The following P3H2 variants were observed in gnomAD, a reference collection of about 807,000 sequenced individuals.
The protein encoded by P3H2 is leprecan-like 1.
P3H2 carries 80 observed loss-of-function variants against 87.0 expected under a neutral mutation model. The observed-to-expected ratio is 0.92, with a 90% confidence interval of 0.77 to 1.11. The LOEUF (loss-of-function observed/expected upper bound fraction) is 1.11. P3H2 is among the 50% of genes least tolerant of loss of function. The pLI is 0.00. For synonymous variants in P3H2, 367 were observed against 359.3 expected (o/e 1.02, Z -0.24); for missense variants, 1,001 against 923.9 (o/e 1.08, Z -1.08).
intron 1 of P3H2, 83 bp from the exon 2 acceptor site, chr3:189,995,525 T>A: frequency 1.7e-5 from 22 of 1,301,030 alleles, no homozygotes; most frequent in Non-Finnish European, 2.1e-5. Flanking sequence ...ATCCAAAATC[T>A]CACAGTTTAA....
chr3:189,996,219 C>G (rs1724048096), intron 1 of P3H2, among the ~76,000 whole-genome samples: 1 of 152,126 alleles, frequency 6.6e-6, no homozygotes, highest in Non-Finnish European at 1.5e-5. Context: ...AAGTGCCCAT[C>G]AGCAGATGAA....
chr3:190,057,083 T>C (rs1481297215), intron 1 of P3H2, among the ~76,000 whole-genome samples: 1 of 152,162 alleles, frequency 6.6e-6, no homozygotes, highest in Non-Finnish European at 1.5e-5. Context: ...AGAAGGAGAA[T>C]GACTTGAAAA....
At chr3:189,998,272 C>A (rs975079008) in intron 1 of P3H2, among the ~76,000 whole-genome samples, 8 of 152,180 alleles carry the variant, frequency 5.3e-5, no homozygotes, top group African/African-American at 1.9e-4. Context: ...CAGATTAGTA[C>A]TGACATACTC....
At chr3:189,993,097 C>T (rs564616951) in intron 3 of P3H2, among the ~76,000 whole-genome samples, 7 of 151,950 alleles carry the variant, frequency 4.6e-5, no homozygotes, top group African/African-American at 1.4e-4. Context: ...CCGAGGTGGG[C>T]GGATTACCTG....
chr3:190,008,290 C>T (rs1724458618), intron 1 of P3H2, among the ~76,000 whole-genome samples: 1 of 151,922 alleles, frequency 6.6e-6, no homozygotes, highest in African/African-American at 2.4e-5. Context: ...AAGAGTCTAC[C>T]ATTTTTAATC....
rs1036990273 is a variant in P3H2 at position 189,963,547 on chromosome 3, C to T, written c.2034+411G>A. ...GCAATTTACGCCTCCCAGGTTCAAG[C>T]GATTCTCCTGCCTCAGCTTCCCGAG... On this transcript the variant is annotated intron_variant, in intron 14 of 14. Transcript: ENST00000319332. 6 of 217,008 alleles carry T rather than the reference C, an allele frequency of 2.8e-5. No homozygotes were observed. The East Asian group carries it at 3.1e-4, about 11-fold the overall frequency. 13.4% of individuals were successfully genotyped at this position (217,008 alleles called of 1,614,324 possible).
chr3:190,012,198 G>A (rs1724611734), intron 1 of P3H2, among the ~76,000 whole-genome samples: 1 of 119,432 alleles, frequency 8.4e-6, no homozygotes, highest in Non-Finnish European at 1.8e-5. Context: ...GTGCCTGTGT[G>A]TAGGTAAAGG....
At chr3:190,101,005 G>A (rs1298051653) in intron 1 of P3H2, among the ~76,000 whole-genome samples, 2 of 151,964 alleles carry the variant, frequency 1.3e-5, no homozygotes, top group South Asian at 2.1e-4. Flanking sequence ...TTACTGTTAC[G>A]ATGATCTGTG....
At chr3:189,987,161 C>G (rs970288001) in intron 5 of P3H2, among the ~76,000 whole-genome samples, 1 of 152,168 alleles carries the variant, frequency 6.6e-6, no homozygotes, top group Non-Finnish European at 1.5e-5. Context: ...AACTCTCCCC[C>G]GAACACATGC....
In P3H2 at chr3:190,021,146, C is replaced by T. The variant is rs191357098; in HGVS notation, c.481-25704G>A. On this transcript the variant is annotated intron_variant, in intron 1 of 14. Transcript: ENST00000319332. ...GAAACCAATATTTACAAAGCAGCCA[C>T]CATGAACTGTTTCCAATAATCAGAA... is the stretch of plus-strand genomic sequence containing the variant. 8.5e-4 allele frequency among the ~76,000 whole-genome samples: 115 copies of T among 134,572 alleles called. 16 individuals are homozygous for T. The highest frequency in any genetic ancestry group is 2.6e-3 in the African/African-American group (103 of 39,020). 88.3% of individuals were successfully genotyped at this position (134,572 alleles called of 152,430 possible).
intron 8 of P3H2, among the ~76,000 whole-genome samples, chr3:189,978,406 G>A (rs1723417963): frequency 6.6e-6 from 1 of 152,124 alleles, no homozygotes; most frequent in Admixed American, 6.5e-5. Context: ...ACTGTGTTAA[G>A]TTCTGATTGA....
intron 1 of P3H2, among the ~76,000 whole-genome samples, chr3:190,082,609 C>T (rs927248749): frequency 1.3e-5 from 2 of 152,166 alleles, no homozygotes; most frequent in Non-Finnish European, 2.9e-5. Context: ...ATATACAATA[C>T]ATTATTACTA....
chr3:189,958,490 T>C (rs1462206449), intron 14 of P3H2, among the ~76,000 whole-genome samples: 1 of 151,938 alleles, frequency 6.6e-6, no homozygotes, highest in Non-Finnish European at 1.5e-5. Flanking sequence ...GTTGCCGGAG[T>C]TTAGGTCAGG....
At chr3:190,083,926 T>A (rs963700070) in intron 1 of P3H2, among the ~76,000 whole-genome samples, 71 of 152,300 alleles carry the variant, frequency 4.7e-4, no homozygotes, top group African/African-American at 1.6e-3. Context: ...TACGTGGATG[T>A]TTTCATTTTA....
intron 1 of P3H2, among the ~76,000 whole-genome samples, chr3:190,071,978 GT>G (rs60227697): frequency 0.14 from 16,893 of 119,028 alleles, 897 homozygotes; most frequent in African/African-American, 0.29. Context: ...AAGATGAAGG[GT>G]TTTTTTTTTT....
chr3:189,969,083 C>G, intron 13 of P3H2: 2 of 446,298 alleles, frequency 4.5e-6, no homozygotes, highest in Non-Finnish European at 8.2e-6. Context: ...TTTGACCATT[C>G]CATGGATCCT....
rs561462733 is a variant in P3H2, at chr3:189,984,225, A to G, written c.1229+325T>C. On this transcript the variant is annotated intron_variant, in intron 7 of 14. Coordinates refer to ENST00000319332, the MANE Select transcript of P3H2 (RefSeq NM_018192.4). ...ATTCACCATCAAAAACCCATTTCAC[A>G]GTTTTTCTGTTAATAAATCAAAACC... Among the ~76,000 whole-genome samples, 4 of 152,320 alleles carry G rather than the reference A, an allele frequency of 2.6e-5. No individual in the cohort carries two copies. In the South Asian group the frequency reaches 8.3e-4, roughly 32 times the overall value.
chr3:190,108,327 G>T (rs374404841), intron 1 of P3H2, among the ~76,000 whole-genome samples: 18 of 152,008 alleles, frequency 1.2e-4, no homozygotes, highest in Admixed American at 5.9e-4. Flanking sequence ...GCCAGCAACA[G>T]TCCTGGCCTT....
intron 1 of P3H2, among the ~76,000 whole-genome samples, chr3:190,107,647 G>A (rs1170975795): frequency 6.6e-6 from 1 of 152,104 alleles, no homozygotes; most frequent in Non-Finnish European, 1.5e-5. Flanking sequence ...AACCTGAAAT[G>A]GCAAAATAAC....
Sources: allele counts gnomAD v4.1 joint callset (sites outside exome capture counted in the v4.1 genomes callset), GRCh38; gene constraint gnomAD v4.1.1; transcripts MANE v1.5; gene names NCBI Gene and HGNC (gene_info 2026-07-23, HGNC 2026-07-21).